Variants in PDCD11 observed in about 807,000 individuals in gnomAD.
The protein encoded by PDCD11 is protein RRP5 homolog.
Under a neutral mutation model 198.9 loss-of-function variants are expected in PDCD11, and 97 were observed. The observed-to-expected ratio is 0.49, with a 90% CI of 0.41 to 0.58. PDCD11 has a LOEUF of 0.58. Among genes scored for constraint, PDCD11 ranks in the 20% least tolerant of loss-of-function variants. The pLI is 0.00. For missense variants in PDCD11, 2,102 were observed against 2,312.7 expected (o/e 0.91, Z 1.87); for synonymous variants, 893 against 918.0 (o/e 0.97, Z 0.49).
At position 103,442,366 on chromosome 10, in the gene PDCD11, C is replaced by A. The variant is rs140343384; in HGVS notation, c.4861C>A (p.Leu1621Met). Residue 1621 changes from leucine (L) to methionine (M), a missense_variant, in exon 32 of 36, where the codon CTG (leucine) becomes ATG (methionine). Leu to Met is a conservative substitution (Grantham distance 15). Coordinates refer to ENST00000369797, the MANE Select transcript of PDCD11 (RefSeq NM_014976.2). ...LVLSSPNSSI[L>M]WLQYMAFHLQ... ...GCTGAGCTCCCCCAACAGCTCCATT[C>A]TGTGGCTGCAGTACATGGCTTTCCA... 1.2e-6 allele frequency: 2 copies of A among 1,614,252 alleles called. No individual in the cohort carries two copies. The highest frequency in any genetic ancestry group is 2.7e-5 in the African/African-American group (2 of 75,058).
chr10:103,422,566 T>C (rs199918994), intron 17 of PDCD11, among the ~76,000 whole-genome samples: 1 of 152,108 alleles, frequency 6.6e-6, no homozygotes, highest in East Asian at 1.9e-4. Flanking sequence ...TCACCTTTCA[T>C]TCCTTTATTC....
At chr10:103,424,422 C>CA (rs2031593025) in intron 19 of PDCD11, among the ~76,000 whole-genome samples, 1 of 152,188 alleles carries the variant, frequency 6.6e-6, no homozygotes, top group Admixed American at 6.5e-5. Flanking sequence ...ACTAACCTCT[C>CA]ATTCAGTTTT....
intron 17 of PDCD11, among the ~76,000 whole-genome samples, chr10:103,422,201 C>T (rs1293438849): frequency 2.0e-5 from 3 of 151,016 alleles, no homozygotes; most frequent in African/African-American, 7.3e-5. Flanking sequence ...CTTCCTCAGC[C>T]TCCGGAGTAG....
At chr10:103,429,221 A>G (rs1474166954) in intron 21 of PDCD11, among the ~76,000 whole-genome samples, 2 of 152,172 alleles carry the variant, frequency 1.3e-5, no homozygotes, top group African/African-American at 4.8e-5. Flanking sequence ...CTGAGAGGAA[A>G]GAGACAAGGC....
chr10:103,444,203 C>T, intron 34 of PDCD11, 135 bp downstream of exon 34: 1 of 735,980 alleles, frequency 1.4e-6, no homozygotes, highest in African/African-American at 1.8e-5. Flanking sequence ...GATTCTCTGC[C>T]CCTCAGCATA....
At position 103,445,781 on chromosome 10, in the gene PDCD11, C is replaced by G. The variant is rs761661147; in HGVS notation, c.*232C>G. The G allele has an allele frequency of 4.2e-6, 2 of 472,276 alleles. No homozygotes were observed. The highest frequency in any genetic ancestry group is 3.9e-5 in the African/African-American group (2 of 51,538). 29.3% of individuals were successfully genotyped at this position (472,276 alleles called of 1,614,324 possible). A position where few individuals can be genotyped will look rare whatever the true frequency, so the allele number is the denominator to read the frequency against. ...TTATCTTTTTCCTTATCTGAGGCTA[C>G]CTGGGGATTGTGGGCAGCAGGCCCC... On this transcript the variant is annotated 3_prime_UTR_variant, in exon 36 of 36. Coordinates refer to ENST00000369797, the MANE Select transcript of PDCD11 (RefSeq NM_014976.2).
intron 16 of PDCD11, among the ~76,000 whole-genome samples, chr10:103,420,582 G>A (rs1284275600): frequency 2.0e-5 from 3 of 152,166 alleles, no homozygotes; most frequent in Non-Finnish European, 2.9e-5. Flanking sequence ...AGCAAATGGC[G>A]TGCAGCTGAT....
Position 103,425,437 on chromosome 10 carries a change from C to T in PDCD11, c.3217C>T (p.Pro1073Ser), listed in dbSNP as rs754481211. ...TGCCTCCCACATTCTAGATGATGTT[C>T]CAGAGGGCACCTCTCCTACTACCAA... The part of the protein sequence containing the change: ...IHASHILDDV[P>S]EGTSPTTKLK... Residue 1073 changes from proline (P) to serine (S), a missense_variant, in exon 20 of 36, where the codon CCA becomes TCA. Physicochemically the swap from Pro to Ser is moderately conservative, Grantham distance 74. Transcript: ENST00000369797. 6.2e-7 allele frequency: 1 copy of T among 1,613,958 alleles called. No individual in the cohort carries two copies. Among genetic ancestry groups the T allele is most frequent in the Non-Finnish European group, 8.5e-7 (1 of 1,179,974 alleles).
At position 103,443,336 on chromosome 10, in the gene PDCD11, A is replaced by C. The variant is rs2032470678; in HGVS notation, c.5124+3A>C. The C allele has an allele frequency of 6.2e-7, 1 of 1,602,358 alleles. No homozygotes were observed. Among genetic ancestry groups the C allele is most frequent in the Admixed American group, 1.7e-5 (1 of 59,318 alleles). On this transcript the variant is annotated splice_donor_region_variant and intron_variant, in intron 33 of 35. Coordinates refer to ENST00000369797, the MANE Select transcript of PDCD11 (RefSeq NM_014976.2). ...ACGCCAAGTCAGAGAAATTCCAGGT[A>C]GGAGGTTGGGCCACAGACGAACTCC... is the stretch of plus-strand genomic sequence containing the variant.
chr10:103,426,781 G>A (rs1421912001), intron 20 of PDCD11, among the ~76,000 whole-genome samples: 2 of 145,818 alleles, frequency 1.4e-5, no homozygotes, highest in South Asian at 2.2e-4. Context: ...GTGAGACTCC[G>A]TTTCAAAAAA....
In PDCD11 at chr10:103,410,820, A is replaced by T. The variant is rs975205376; in HGVS notation, c.978+1014A>T. Reference sequence around the variant, plus strand: ...GCCAGGTGTGGTGGCTCACGCCTATAATCCCAGCACTTTGGTAGGCCGAGG... The same window carrying T: ...GCCAGGTGTGGTGGCTCACGCCTATTATCCCAGCACTTTGGTAGGCCGAGG... On this transcript the variant is annotated intron_variant, in intron 8 of 35. Coordinates refer to ENST00000369797, the MANE Select transcript of PDCD11 (RefSeq NM_014976.2). 6.6e-5 allele frequency among the ~76,000 whole-genome samples: 10 copies of T among 151,884 alleles called. No individual in the cohort carries two copies. In the East Asian group the frequency reaches 1.9e-3, roughly 30 times the overall value.
At chr10:103,397,464 C>A (rs1455757904) in intron 1 of PDCD11, among the ~76,000 whole-genome samples, 3 of 152,212 alleles carry the variant, frequency 2.0e-5, no homozygotes, top group Admixed American at 6.5e-5. Flanking sequence ...GAGACAGAGT[C>A]TCACTTTGTC....
At chr10:103,424,942 C>G in intron 19 of PDCD11, 42 bp from the exon 20 acceptor site, 1 of 1,599,956 alleles carries the variant, frequency 6.3e-7, no homozygotes, top group Non-Finnish European at 8.5e-7. Flanking sequence ...AGTGACCATG[C>G]TGTGTAAGGA....
intron 21 of PDCD11, among the ~76,000 whole-genome samples, chr10:103,429,893 C>T (rs1423051755): frequency 6.6e-6 from 1 of 152,152 alleles, no homozygotes; most frequent in Non-Finnish European, 1.5e-5. Context: ...GGAACACATA[C>T]AGTATGCGTC....
At position 103,403,235 on chromosome 10, in the gene PDCD11, G is replaced by A. The variant is rs1170801426; in HGVS notation, c.352G>A (p.Ala118Thr). The change falls in exon 4 of 36, where the codon GCC becomes ACC. Residue 118 changes from alanine to threonine, a missense_variant. Coordinates refer to ENST00000369797, the MANE Select transcript of PDCD11 (RefSeq NM_014976.2). ...GFVQVTEICD[A>T]YTKKLNEQVT... ...TGTGCAAGTCACTGAAATCTGTGAT[G>A]CCTACACCAAAAAGCTGAATGAGCA... The A allele has an allele frequency of 6.2e-7, 1 of 1,614,006 alleles. No homozygotes were observed. The highest frequency in any genetic ancestry group is 8.5e-7 in the Non-Finnish European group (1 of 1,179,996).
chr10:103,405,382 G>T, intron 5 of PDCD11, 199 bp downstream of exon 5: 2 of 449,068 alleles, frequency 4.5e-6, no homozygotes, highest in Non-Finnish European at 7.9e-6. Flanking sequence ...CATTGGAGAA[G>T]AGAAAAGAGA....
At chr10:103,439,892 C>T in intron 28 of PDCD11, 24 bp downstream of exon 28, 1 of 1,613,932 alleles carries the variant, frequency 6.2e-7, no homozygotes, top group South Asian at 1.1e-5. Flanking sequence ...CGTTCTCTCT[C>T]TCTCTGTAAT....
At chr10:103,422,047 T>G (rs1198635499) in intron 17 of PDCD11, among the ~76,000 whole-genome samples, 1 of 134,246 alleles carries the variant, frequency 7.4e-6, no homozygotes, top group Non-Finnish European at 1.6e-5. Flanking sequence ...CTGCATAAAG[T>G]GCACAATTTT....
At chr10:103,438,877 T>C in intron 27 of PDCD11, 69 bp downstream of exon 27, 1 of 1,549,392 alleles carries the variant, frequency 6.5e-7, no homozygotes, top group South Asian at 1.1e-5. Flanking sequence ...TGGGGTCCAC[T>C]GTGTTCCTCG....
Sources: allele counts gnomAD v4.1 joint callset (sites outside exome capture counted in the v4.1 genomes callset), GRCh38; gene constraint gnomAD v4.1.1; transcripts MANE v1.5; gene names NCBI Gene and HGNC (gene_info 2026-07-23, HGNC 2026-07-21).